Variants in CNGB3 observed in about 807,000 individuals in gnomAD.
The protein encoded by CNGB3 is cyclic nucleotide gated channel subunit beta 3.
CNGB3 carries 86 observed loss-of-function variants against 92.8 expected under a neutral mutation model. That is an observed-to-expected ratio of 0.93 (90% confidence interval 0.78 to 1.11). CNGB3 has a LOEUF of 1.11. Among genes scored for constraint, CNGB3 ranks in the 50% least tolerant of loss-of-function variants. CNGB3 has a pLI of 0.00. For missense variants in CNGB3, 1,026 were observed against 956.8 expected (o/e 1.07, Z -0.95); for synonymous variants, 333 against 332.7 (o/e 1.00, Z -0.01).
chr8:86,701,090 T>G (rs1007762151), intron 3 of CNGB3, among the ~76,000 whole-genome samples: 1 of 152,230 alleles, frequency 6.6e-6, no homozygotes, highest in Non-Finnish European at 1.5e-5. Context: ...AATGCTTTAA[T>G]TTTTTATACT....
At chr8:86,622,966 T>C (rs564332636) in intron 13 of CNGB3, among the ~76,000 whole-genome samples, 1 of 152,300 alleles carries the variant, frequency 6.6e-6, no homozygotes, top group East Asian at 1.9e-4. Context: ...CTGACCTAAC[T>C]CTAATAACTT....
rs570553767 is a variant in CNGB3, at chr8:86,647,809, T to C, written c.982A>G (p.Met328Val). The change falls in exon 8 of 18, where the codon ATG becomes GTG. Residue 328 changes from methionine to valine, a missense_variant. Physicochemically the swap from Met to Val is conservative, Grantham distance 21. Transcript: ENST00000320005. ...AAATATAGTTATCTTACCTTTAACA[T>C]CCTATTTGCTCTAAACATTGGATTA... is the stretch of plus-strand genomic sequence containing the variant. Reference protein sequence around the residue: ...GFNPMFRANRMLKYTSFFEFN... With the variant: ...GFNPMFRANRVLKYTSFFEFN... The C allele has an allele frequency of 1.3e-6, 2 of 1,500,034 alleles. No homozygotes were observed. The highest frequency in any genetic ancestry group is 3.4e-5 in the Admixed American group (2 of 59,540). 92.9% of individuals were successfully genotyped at this position (1,500,034 alleles called of 1,614,324 possible). A position where few individuals can be genotyped will look rare whatever the true frequency, so the allele number is the denominator to read the frequency against.
intron 13 of CNGB3, among the ~76,000 whole-genome samples, chr8:86,614,615 C>T (rs933540479): frequency 6.6e-6 from 1 of 151,932 alleles, no homozygotes; most frequent in Non-Finnish European, 1.5e-5. Flanking sequence ...CATATCCAAA[C>T]CTAACTTTTT....
intron 17 of CNGB3, 93 bp downstream of exon 17, chr8:86,578,596 G>T: frequency 8.5e-7 from 1 of 1,172,316 alleles, no homozygotes; most frequent in Non-Finnish European, 1.3e-6. Flanking sequence ...AATCATCCCA[G>T]TGTCTGAAAT....
chr8:86,658,984 G>A, intron 6 of CNGB3: 5 of 1,080,080 alleles, frequency 4.6e-6, no homozygotes, highest in South Asian at 3.9e-5. Flanking sequence ...TGGGCTTGGA[G>A]CTGTCCTGCC....
At chr8:86,664,608 C>A (rs114837064) in intron 6 of CNGB3, among the ~76,000 whole-genome samples, 2 of 152,142 alleles carry the variant, frequency 1.3e-5, no homozygotes, top group Admixed American at 1.3e-4. Flanking sequence ...ATTGGATTGA[C>A]AATAAACTTC....
chr8:86,656,905 C>T (rs1039333318), intron 6 of CNGB3, among the ~76,000 whole-genome samples: 3 of 152,286 alleles, frequency 2.0e-5, no homozygotes, highest in South Asian at 2.1e-4. Context: ...CCAGCTTCAA[C>T]CTCCTCTATG....
At chr8:86,742,371 G>C (rs1208060902) in intron 1 of CNGB3, among the ~76,000 whole-genome samples, 2 of 152,174 alleles carry the variant, frequency 1.3e-5, no homozygotes, top group Non-Finnish European at 2.9e-5. Context: ...GAAGTCAAGG[G>C]CACTCTCTCG....
chr8:86,715,712 G>C (rs1824839430), intron 3 of CNGB3, among the ~76,000 whole-genome samples: 1 of 151,408 alleles, frequency 6.6e-6, no homozygotes. Flanking sequence ...GGAGACACCA[G>C]AGGAAGGTGA....
chr8:86,717,287 C>T lies in CNGB3; in HGVS notation c.338+9244G>A, dbSNP rs140265104. On this transcript the variant is annotated intron_variant, in intron 3 of 17. Coordinates refer to ENST00000320005, the MANE Select transcript of CNGB3 (RefSeq NM_019098.5). ...TAATAGTGGGGGACTTTAGACTGGGCGTGGTGGCTCAAGCCTGTAATCTCA... is the reference window on the plus strand; with the variant it reads ...TAATAGTGGGGGACTTTAGACTGGGTGTGGTGGCTCAAGCCTGTAATCTCA... Among the ~76,000 whole-genome samples the T allele has an allele frequency of 5.0e-3, 764 of 151,996 alleles. 4 individuals carry two copies. The highest frequency in any genetic ancestry group is 0.017 in the African/African-American group (719 of 41,506).
At chr8:86,708,474 G>A (rs1002683303) in intron 3 of CNGB3, among the ~76,000 whole-genome samples, 1 of 151,998 alleles carries the variant, frequency 6.6e-6, no homozygotes, top group African/African-American at 2.4e-5. Flanking sequence ...AGTTACCAGA[G>A]TAGAGGGCAT....
At chr8:86,660,710 A>G in intron 6 of CNGB3, 1 of 529,118 alleles carries the variant, frequency 1.9e-6, no homozygotes, top group East Asian at 5.4e-5. Flanking sequence ...TTCCATACAC[A>G]GTGCTCCCCC....
chr8:86,591,452 T>A (rs960126562), intron 15 of CNGB3, among the ~76,000 whole-genome samples: 1 of 151,230 alleles, frequency 6.6e-6, no homozygotes, highest in Non-Finnish European at 1.5e-5. Flanking sequence ...TGTTCTGTTT[T>A]TTCCCCATCT....
Position 86,574,559 on chromosome 8 carries a change from C to G in CNGB3, c.*1245G>C, listed in dbSNP as rs1349756184. On this transcript the variant is annotated 3_prime_UTR_variant, in exon 18 of 18. Transcript: ENST00000320005. ...TTTGTACATGGTTTGCTAAATGCAT[C>G]TATGTTGTAGGCTTTTTGGCTAATA... 1 of 152,198 alleles carries G rather than the reference C, an allele frequency of 6.6e-6. No homozygotes were observed. Among genetic ancestry groups the G allele is most frequent in the East Asian group, 1.9e-4 (1 of 5,200 alleles). 9.4% of individuals were successfully genotyped at this position (152,198 alleles called of 1,614,324 possible). A position where few individuals can be genotyped will look rare whatever the true frequency, so the allele number is the denominator to read the frequency against.
chr8:86,683,657 G>T (rs961164313), intron 3 of CNGB3, among the ~76,000 whole-genome samples: 1 of 152,016 alleles, frequency 6.6e-6, no homozygotes, highest in East Asian at 1.9e-4. Context: ...TACTGCTAGG[G>T]ACAGACCTGC....
intron 2 of CNGB3, among the ~76,000 whole-genome samples, chr8:86,727,346 A>G (rs2131672690): frequency 6.6e-6 from 1 of 152,320 alleles, no homozygotes; most frequent in South Asian, 2.1e-4. Flanking sequence ...AAATTGATAC[A>G]TCATAAAATT....
chr8:86,689,507 A>T (rs537396968), intron 3 of CNGB3, among the ~76,000 whole-genome samples: 169 of 149,108 alleles, frequency 1.1e-3, no homozygotes, highest in African/African-American at 3.8e-3. Context: ...TTATATATAT[A>T]TATTTTTTTT....
chr8:86,615,652 C>A (rs1289582070), intron 13 of CNGB3, among the ~76,000 whole-genome samples: 4 of 151,868 alleles, frequency 2.6e-5, no homozygotes, highest in Admixed American at 2.0e-4. Context: ...TTAAAATAAA[C>A]TATATATATT....
At chr8:86,651,654 G>C (rs1425190933) in intron 7 of CNGB3, among the ~76,000 whole-genome samples, 2 of 151,756 alleles carry the variant, frequency 1.3e-5, no homozygotes, top group East Asian at 3.9e-4. Flanking sequence ...AACTTCTCTA[G>C]GCAGACAGTC....
Sources: gnomAD v4.1 joint callset for allele counts (sites outside exome capture counted in the v4.1 genomes callset) on GRCh38, gnomAD v4.1.1 for gene constraint, MANE v1.5 for transcripts, NCBI Gene and HGNC (gene_info 2026-07-23, HGNC 2026-07-21) for gene names.